Variants in MS4A14 observed in about 807,000 individuals in gnomAD.
MS4A14 encodes the protein membrane spanning 4-domains A14.
MS4A14 carries 18 observed loss-of-function variants against 16.7 expected under a neutral mutation model. That is an observed-to-expected ratio of 1.08 (90% CI 0.75 to 1.60). MS4A14 has a LOEUF of 1.60. Among genes scored for constraint, MS4A14 ranks in the 40% most tolerant of loss-of-function variants. The pLI is 0.00. For missense variants in MS4A14, 812 were observed against 775.3 expected (o/e 1.05, Z -0.56); for synonymous variants, 305 against 289.4 (o/e 1.05, Z -0.55).
Position 60,416,718 on chromosome 11 carries a change from G to A in MS4A14, c.1750G>A (p.Gly584Arg), listed in dbSNP as rs3825020. The change falls in exon 5 of 5, where the codon GGA (glycine) becomes AGA (arginine). Residue 584 changes from glycine (G) to arginine (R), a missense_variant. Gly to Arg is a moderately radical substitution (Grantham distance 125). Coordinates refer to ENST00000300187, the MANE Select transcript of MS4A14 (RefSeq NM_032597.5). ...ATACCCAGAAGGACAATCTAAAGAT[G>A]GACAAGTTAAAGACCAGCAGACTGA... ...EQYPEGQSKD[G>R]QVKDQQTDKE... The A allele has an allele frequency of 0.59, 955,090 of 1,613,162 alleles. 286,580 individuals carry two copies. The highest frequency in any genetic ancestry group is 0.67 in the Middle Eastern group (4,050 of 6,062).
chr11:60,416,152 T>C lies in MS4A14; in HGVS notation c.1184T>C (p.Met395Thr), dbSNP rs764285895. ...MLSQDTPSHA[M>T]PPQDIPSQDM... ...TCTCAAGACACACCATCCCACGCCA[T>C]GCCACCTCAAGACATACCTTCCCAA... The change falls in exon 5 of 5, where the codon ATG becomes ACG. Residue 395 changes from methionine to threonine, a missense_variant. Coordinates refer to ENST00000300187, the MANE Select transcript of MS4A14 (RefSeq NM_032597.5). 6.2e-6 allele frequency: 10 copies of C among 1,612,706 alleles called. No individual in the cohort carries two copies. In the East Asian group the frequency reaches 2.2e-4, roughly 36 times the overall value.
intron 3 of MS4A14, 123 bp downstream of exon 3, chr11:60,400,577 C>T (rs2085698420): frequency 1.8e-6 from 1 of 566,976 alleles, no homozygotes; most frequent in Non-Finnish European, 3.1e-6. Flanking sequence ...AGTTGCAGTT[C>T]AGATCATTCC....
intron 4 of MS4A14, among the ~76,000 whole-genome samples, chr11:60,411,163 G>A (rs1215231669): frequency 6.6e-6 from 1 of 152,088 alleles, no homozygotes; most frequent in African/African-American, 2.4e-5. Flanking sequence ...GTTTTAATTA[G>A]TGTAGCTTTA....
At chr11:60,403,240 T>C in intron 4 of MS4A14, 179 bp downstream of exon 4, 4 of 627,780 alleles carry the variant, frequency 6.4e-6, no homozygotes, top group African/African-American at 1.8e-5. Context: ...TTTTCTGGAC[T>C]TGAATCCTGT....
rs779038408 is a variant in MS4A14 at position 60,415,948 on chromosome 11, T to C, written c.980T>C (p.Val327Ala). Reference sequence around the variant, plus strand: ...GACTTGCCATCCCAAGCTCTACCAGTAGAAGGCCTGTCAGAACAAACCATG... The same window carrying C: ...GACTTGCCATCCCAAGCTCTACCAGCAGAAGGCCTGTCAGAACAAACCATG... ...PEDLPSQALPVEGLSEQTMPS... is the reference protein window; with the variant it reads ...PEDLPSQALPAEGLSEQTMPS... Residue 327 changes from valine to alanine, a missense_variant, in exon 5 of 5, where the codon GTA becomes GCA. Physicochemically the swap from Val to Ala is moderately conservative, Grantham distance 64. Transcript: ENST00000300187. 16 of 1,613,956 alleles carry C rather than the reference T, an allele frequency of 9.9e-6. No individual in the cohort carries two copies. The highest frequency in any genetic ancestry group is 1.3e-5 in the Non-Finnish European group (15 of 1,179,932).
In MS4A14 at chr11:60,404,107, G is replaced by C. The variant is rs969286359; in HGVS notation, c.468+1046G>C. On this transcript the variant is annotated intron_variant, in intron 4 of 4. Coordinates refer to ENST00000300187, the MANE Select transcript of MS4A14 (RefSeq NM_032597.5). ...TTCTTGGCCATTGCTGAATGGACAG[G>C]AGGCAACTACTGTTTGTTATGTTCG... Among the ~76,000 whole-genome samples, 4 of 152,212 alleles carry C rather than the reference G, an allele frequency of 2.6e-5. No homozygotes were observed. In the South Asian group the frequency reaches 8.3e-4, roughly 31 times the overall value.
chr11:60,405,946 A>G, intron 4 of MS4A14: 2 of 1,533,582 alleles, frequency 1.3e-6, no homozygotes, highest in Non-Finnish European at 1.7e-6. Flanking sequence ...CTCTGTGACT[A>G]TTGCATCCTT....
intron 4 of MS4A14, chr11:60,404,705 C>G: frequency 2.4e-6 from 1 of 418,660 alleles, no homozygotes; most frequent in Non-Finnish European, 4.8e-6. Flanking sequence ...ACTTAAATCT[C>G]AACTGAAATA....
chr11:60,410,812 C>T (rs2085857166), intron 4 of MS4A14, among the ~76,000 whole-genome samples: 1 of 148,170 alleles, frequency 6.7e-6, no homozygotes, highest in Non-Finnish European at 1.5e-5. Context: ...TCCCTTATGC[C>T]AGGTACCATA....
rs1392640772 is a variant in MS4A14 at position 60,396,543 on chromosome 11, T to G, written c.-36T>G. Reference sequence around the variant, plus strand: ...TCATGATTTGGGCGGCAATGTTTGCTCACTCTTTCCCTTACTAGAGTTCTG... The same window carrying G: ...TCATGATTTGGGCGGCAATGTTTGCGCACTCTTTCCCTTACTAGAGTTCTG... On this transcript the variant is annotated 5_prime_UTR_variant, in exon 1 of 5. Transcript: ENST00000300187. 6.2e-7 allele frequency: 1 copy of G among 1,603,660 alleles called. No individual in the cohort carries two copies. Among genetic ancestry groups the G allele is most frequent in the Non-Finnish European group, 8.5e-7 (1 of 1,175,076 alleles).
intron 3 of MS4A14, among the ~76,000 whole-genome samples, chr11:60,401,484 T>C (rs1269349909): frequency 6.6e-6 from 1 of 152,202 alleles, no homozygotes; most frequent in Non-Finnish European, 1.5e-5. Context: ...CTGAGAGCTA[T>C]GCAGATGGAG....
At chr11:60,398,095 G>C in intron 2 of MS4A14, 115 bp downstream of exon 2, 1 of 1,126,942 alleles carries the variant, frequency 8.9e-7, no homozygotes. Context: ...ACCAAAAAAG[G>C]CAGCTCCCTT....
rs375353153 is a variant in MS4A14, at chr11:60,416,885, G to C, written c.1917G>C (p.Leu639=). The part of the protein sequence containing the change: ...QQAQVEKVPK[L]LCQDSESQIQ... ...CTCAGGTGGAGAAAGTGCCAAAACT[G>C]TTATGCCAAGATTCAGAATCCCAAA... Residue 639 remains leucine, a synonymous_variant, in exon 5 of 5, where the codon CTG becomes CTC. Coordinates refer to ENST00000300187, the MANE Select transcript of MS4A14 (RefSeq NM_032597.5). 2.5e-6 allele frequency: 4 copies of C among 1,613,564 alleles called. No individual in the cohort carries two copies. Among genetic ancestry groups the C allele is most frequent in the African/African-American group, 1.3e-5 (1 of 74,876 alleles).
chr11:60,406,384 A>C (rs2085786483), intron 4 of MS4A14, among the ~76,000 whole-genome samples: 1 of 152,252 alleles, frequency 6.6e-6, no homozygotes, highest in Non-Finnish European at 1.5e-5. Context: ...GTTACTACTG[A>C]TACTACATAG....
chr11:60,397,710 T>C lies in MS4A14; in HGVS notation c.139-142T>C, dbSNP rs2085647346. The stretch of plus-strand genomic sequence containing the variant: ...CACATTGAACTGAGTCTCTTAACAA[T>C]CTGAGAATGATTGACAAATGAGAGA... On this transcript the variant is annotated intron_variant, in intron 1 of 4. Coordinates refer to ENST00000300187, the MANE Select transcript of MS4A14 (RefSeq NM_032597.5). 2.2e-5 allele frequency: 16 copies of C among 730,520 alleles called. No homozygotes were observed. In the South Asian group the frequency reaches 2.7e-4, roughly 12 times the overall value. 45.3% of individuals were successfully genotyped at this position (730,520 alleles called of 1,614,324 possible). A position where few individuals can be genotyped will look rare whatever the true frequency, so the allele number is the denominator to read the frequency against.
chr11:60,414,108 A>C (rs2085904203), intron 4 of MS4A14, among the ~76,000 whole-genome samples: 1 of 152,122 alleles, frequency 6.6e-6, no homozygotes, highest in South Asian at 2.1e-4. Context: ...CTGAGTTCTC[A>C]TTAATGGATG....
Position 60,415,756 on chromosome 11 carries a change from T to C in MS4A14, c.788T>C (p.Met263Thr), listed in dbSNP as rs2085930491. Reference sequence around the variant, plus strand: ...CTAGAGAAAAAGCCCTCAGAAAATATGTCCATTCAGCTAGACTCTACATTT... The same window carrying C: ...CTAGAGAAAAAGCCCTCAGAAAATACGTCCATTCAGCTAGACTCTACATTT... ...PTLEKKPSEN[M>T]SIQLDSTFKQ... The change falls in exon 5 of 5, where the codon ATG (methionine) becomes ACG (threonine). Residue 263 changes from methionine (M) to threonine (T), a missense_variant. Coordinates refer to ENST00000300187, the MANE Select transcript of MS4A14 (RefSeq NM_032597.5). 6.2e-7 allele frequency: 1 copy of C among 1,613,936 alleles called. No individual in the cohort carries two copies. The highest frequency in any genetic ancestry group is 2.2e-5 in the East Asian group (1 of 44,872).
chr11:60,404,630 A>G, intron 4 of MS4A14: 1 of 455,862 alleles, frequency 2.2e-6, no homozygotes, highest in South Asian at 1.6e-5. Context: ...CAAGATGATC[A>G]GAGGATCAGC....
chr11:60,408,932 G>A (rs940068061), intron 4 of MS4A14, among the ~76,000 whole-genome samples: 1 of 152,118 alleles, frequency 6.6e-6, no homozygotes, highest in Non-Finnish European at 1.5e-5. Context: ...AGTGTACAAG[G>A]ATTCCAATTT....
Sources: allele counts gnomAD v4.1 joint callset (sites outside exome capture counted in the v4.1 genomes callset), GRCh38; gene constraint gnomAD v4.1.1; transcripts MANE v1.5; gene names NCBI Gene and HGNC (gene_info 2026-07-23, HGNC 2026-07-21).